ANKRD13C: variants seen among roughly 807,000 people sequenced by gnomAD.
ANKRD13C encodes ankyrin repeat domain-containing protein 13C.
In ANKRD13C, 16 loss-of-function variants were observed where a neutral mutation model predicts 65.5. The ratio of observed to expected loss-of-function variants is 0.24; its 90% CI spans 0.17 to 0.37. ANKRD13C has a LOEUF of 0.37. ANKRD13C is among the 10% of genes least tolerant of loss of function. The pLI is 1.00. For synonymous variants in ANKRD13C, 235 were observed against 238.7 expected (o/e 0.98, Z 0.14); for missense variants, 503 against 655.9 (o/e 0.77, Z 2.55).
At chr1:70,293,661 G>T in intron 8 of ANKRD13C, 1 of 553,292 alleles carries the variant, frequency 1.8e-6, no homozygotes, top group Non-Finnish European at 2.3e-6. Flanking sequence ...AGACTTTAAA[G>T]CCAACAAATG....
intron 7 of ANKRD13C, among the ~76,000 whole-genome samples, chr1:70,297,274 G>A (rs1234596469): frequency 7.1e-6 from 1 of 140,454 alleles, no homozygotes; most frequent in Admixed American, 7.5e-5. Context: ...AACCTACATA[G>A]AGTCCCTTTC....
rs1572200077 is a variant in ANKRD13C, at chr1:70,353,888, T to G, written c.430+91A>C. The G allele has an allele frequency of 7.8e-6, 11 of 1,411,204 alleles. No individual in the cohort carries two copies. The South Asian group carries it at 1.7e-4, about 22-fold the overall frequency. 87.4% of individuals were successfully genotyped at this position (1,411,204 alleles called of 1,614,324 possible). On this transcript the variant is annotated intron_variant, in intron 1 of 12. Coordinates refer to ENST00000370944, the MANE Select transcript of ANKRD13C (RefSeq NM_030816.5). ...CGGATGATGGGCAAAAAGAAGAGTC[T>G]GCTGGAGGGGGCCTAGGATTCCAGA...
At chr1:70,301,355 G>C (rs1251311338) in intron 6 of ANKRD13C, among the ~76,000 whole-genome samples, 1 of 152,144 alleles carries the variant, frequency 6.6e-6, no homozygotes. Context: ...AGGAAGAAAA[G>C]GAACACAGAC....
intron 9 of ANKRD13C, 146 bp from the exon 10 acceptor site, chr1:70,276,990 A>G (rs913830049): frequency 7.2e-5 from 47 of 650,454 alleles, no homozygotes; most frequent in African/African-American, 7.2e-4. Context: ...GGTTCCTTCC[A>G]AGATCGTTCC....
chr1:70,259,228 T>C lies in ANKRD13C; in HGVS notation c.*3489A>G, dbSNP rs1394827908. Among the ~76,000 whole-genome samples the C allele has an allele frequency of 6.6e-6, 1 of 152,194 alleles. No homozygotes were observed. The highest frequency in any genetic ancestry group is 1.5e-5 in the Non-Finnish European group (1 of 68,030). On this transcript the variant is annotated 3_prime_UTR_variant, in exon 13 of 13. Transcript: ENST00000370944. ...TCTATGTATGGGAGGTACAGGTAAA[T>C]AAGTGGTGGGTTTTATCTTTTTGGT...
At chr1:70,277,047 T>A (rs1427244456) in intron 9 of ANKRD13C, among the ~76,000 whole-genome samples, 2 of 152,170 alleles carry the variant, frequency 1.3e-5, no homozygotes, top group South Asian at 2.1e-4. Flanking sequence ...AATTTTTTTT[T>A]AAATCCCAAA....
At position 70,259,779 on chromosome 1, in the gene ANKRD13C, T is replaced by C. The variant is rs1678332318; in HGVS notation, c.*2938A>G. 6.6e-6 allele frequency among the ~76,000 whole-genome samples: 1 copy of C among 152,214 alleles called. No individual in the cohort carries two copies. The highest frequency in any genetic ancestry group is 2.1e-4 in the South Asian group (1 of 4,830). ...CTAGCATGTTTGTAAATATGGGTAA[T>C]ATCAATGAGCAGAAGGAAGCACCTT... is the stretch of plus-strand genomic sequence containing the variant. On this transcript the variant is annotated 3_prime_UTR_variant, in exon 13 of 13. Coordinates refer to ENST00000370944, the MANE Select transcript of ANKRD13C (RefSeq NM_030816.5).
intron 7 of ANKRD13C, among the ~76,000 whole-genome samples, chr1:70,297,139 T>C (rs1320559200): frequency 6.6e-6 from 1 of 151,944 alleles, no homozygotes; most frequent in Non-Finnish European, 1.5e-5. Context: ...AGGCAAAACC[T>C]AGGGAGTTGT....
intron 2 of ANKRD13C, among the ~76,000 whole-genome samples, chr1:70,329,663 T>G (rs1681696862): frequency 6.6e-6 from 1 of 152,212 alleles, no homozygotes; most frequent in Non-Finnish European, 1.5e-5. Flanking sequence ...GTTTCTGATA[T>G]GCCACAGACC....
chr1:70,292,341 C>T (rs756787901), intron 9 of ANKRD13C, 47 bp downstream of exon 9: 7 of 1,394,440 alleles, frequency 5.0e-6, no homozygotes, highest in African/African-American at 4.5e-5. Context: ...GAAATCTATC[C>T]CCTCTCTTCT....
rs561797543 is a variant in ANKRD13C, at chr1:70,311,082, A to G, written c.709+2663T>C. On this transcript the variant is annotated intron_variant, in intron 5 of 12. Transcript: ENST00000370944. ...AAATTTAGAATTTAAAATTCTCTAT[A>G]CAAGGATTAAACACACTAGAAAAAC... Among the ~76,000 whole-genome samples, 39 of 152,352 alleles carry G rather than the reference A, an allele frequency of 2.6e-4. No individual in the cohort carries two copies. The South Asian group carries it at 4.8e-3, about 19-fold the overall frequency.
At chr1:70,266,434 T>C (rs924089985) in intron 12 of ANKRD13C, among the ~76,000 whole-genome samples, 11 of 152,218 alleles carry the variant, frequency 7.2e-5, no homozygotes, top group African/African-American at 2.7e-4. Context: ...AAAATAAACA[T>C]TTGTGTACTT....
intron 2 of ANKRD13C, among the ~76,000 whole-genome samples, chr1:70,329,474 T>C (rs1401462303): frequency 6.6e-6 from 1 of 151,486 alleles, no homozygotes; most frequent in African/African-American, 2.4e-5. Flanking sequence ...TGAGCCAAGA[T>C]TGCATCACTG....
intron 2 of ANKRD13C, among the ~76,000 whole-genome samples, chr1:70,328,939 G>A (rs1681665761): frequency 6.6e-6 from 1 of 152,128 alleles, no homozygotes; most frequent in Admixed American, 6.6e-5. Flanking sequence ...ATGTATACAT[G>A]TATAGGGGAA....
chr1:70,271,249 G>C (rs1003319403), intron 11 of ANKRD13C, among the ~76,000 whole-genome samples: 2 of 152,164 alleles, frequency 1.3e-5, no homozygotes, highest in East Asian at 1.9e-4. Context: ...AATTTATTGT[G>C]TGTGTAAAAG....
At chr1:70,352,071 G>A (rs916841020) in intron 1 of ANKRD13C, among the ~76,000 whole-genome samples, 3 of 152,128 alleles carry the variant, frequency 2.0e-5, no homozygotes, top group Non-Finnish European at 2.9e-5. Flanking sequence ...CAGGCGCGGT[G>A]GCTCAGGCCT....
intron 5 of ANKRD13C, among the ~76,000 whole-genome samples, chr1:70,312,563 T>C (rs752001290): frequency 3.9e-5 from 6 of 151,962 alleles, no homozygotes; most frequent in Admixed American, 6.6e-5. Flanking sequence ...GATTTGCTAG[T>C]TCAAAATTCC....
chr1:70,326,143 A>C (rs960545972), intron 2 of ANKRD13C, among the ~76,000 whole-genome samples: 3 of 145,588 alleles, frequency 2.1e-5, no homozygotes, highest in African/African-American at 7.5e-5. Context: ...AGGCAGGAGA[A>C]TCGCTTGAAC....
chr1:70,328,093 T>C (rs892474744), intron 2 of ANKRD13C, among the ~76,000 whole-genome samples: 1 of 151,916 alleles, frequency 6.6e-6, no homozygotes, highest in African/African-American at 2.4e-5. Flanking sequence ...AAAATTTATA[T>C]ATATAAAACA....
Sources: allele counts gnomAD v4.1 joint callset (sites outside exome capture counted in the v4.1 genomes callset), GRCh38; gene constraint gnomAD v4.1.1; transcripts MANE v1.5; gene names NCBI Gene and HGNC (gene_info 2026-07-23, HGNC 2026-07-21).